Variants in WWOX observed in about 807,000 individuals in gnomAD.
WWOX encodes WW domain containing oxidoreductase.
A neutral mutation model predicts 46.2 loss-of-function variants in WWOX; 69 were observed. The observed-to-expected ratio is 1.49, with a 90% confidence interval of 1.23 to 1.82. The LOEUF is 1.82. Among genes scored for constraint, WWOX ranks in the 40% most tolerant of loss-of-function variants. The pLI is 0.00. For missense variants in WWOX, 919 were observed against 542.6 expected (o/e 1.69, Z -6.89); for synonymous variants, 359 against 202.6 (o/e 1.77, Z -6.56).
intron 8 of WWOX, among the ~76,000 whole-genome samples, chr16:79,119,264 T>G (rs770654182): frequency 6.6e-6 from 1 of 152,130 alleles, no homozygotes; most frequent in African/African-American, 2.4e-5. Context: ...AGAAGCAAAT[T>G]TGGAGAATCC....
At chr16:78,109,469 A>C (rs867963609) in intron 2 of WWOX, among the ~76,000 whole-genome samples, 4 of 152,212 alleles carry the variant, frequency 2.6e-5, no homozygotes, top group Admixed American at 6.5e-5. Flanking sequence ...CTGCATATAC[A>C]TATGTTCTTT....
At chr16:79,210,875 G>C (rs753554578) in intron 8 of WWOX, among the ~76,000 whole-genome samples, 8 of 152,166 alleles carry the variant, frequency 5.3e-5, no homozygotes, top group Non-Finnish European at 8.8e-5. Context: ...TGCACTCTTT[G>C]CAACTTACAT....
In WWOX at chr16:78,877,377, C is replaced by G. The variant is rs149462123; in HGVS notation, c.1057-334231C>G. Reference sequence around the variant, plus strand: ...TTCCTCAGACATGCCAGGTGTGTTCCTGTCTCAGACGCTTTGCCTTTGCTG... The same window carrying G: ...TTCCTCAGACATGCCAGGTGTGTTCGTGTCTCAGACGCTTTGCCTTTGCTG... On this transcript the variant is annotated intron_variant, in intron 8 of 8. Transcript: ENST00000566780. Among the ~76,000 whole-genome samples the G allele has an allele frequency of 4.9e-3, 752 of 152,094 alleles. 4 individuals are homozygous for G. Among genetic ancestry groups the G allele is most frequent in the African/African-American group, 0.017 (719 of 41,474 alleles).
chr16:78,466,122 C>T (rs924633305), intron 8 of WWOX, among the ~76,000 whole-genome samples: 1 of 152,070 alleles, frequency 6.6e-6, no homozygotes, highest in African/African-American at 2.4e-5. Flanking sequence ...AGCTCCGCCT[C>T]CCAGGTTAAT....
chr16:78,310,112 T>C (rs2080211884), intron 5 of WWOX, among the ~76,000 whole-genome samples: 1 of 152,058 alleles, frequency 6.6e-6, no homozygotes, highest in Admixed American at 6.6e-5. Flanking sequence ...CATAGCTCTC[T>C]TGCCCCATTG....
intron 8 of WWOX, among the ~76,000 whole-genome samples, chr16:78,871,293 C>T (rs79854667): frequency 1.1e-3 from 160 of 152,048 alleles, no homozygotes; most frequent in African/African-American, 3.7e-3. Flanking sequence ...CCTGTATGCA[C>T]TGCTGAACCT....
chr16:78,605,381 T>C (rs966606986), intron 8 of WWOX, among the ~76,000 whole-genome samples: 1 of 150,536 alleles, frequency 6.6e-6, no homozygotes, highest in African/African-American at 2.4e-5. Context: ...AAAATCCAGG[T>C]GCAAAACACA....
intron 4 of WWOX, among the ~76,000 whole-genome samples, chr16:78,149,860 C>T (rs944845981): frequency 6.6e-6 from 1 of 152,136 alleles, no homozygotes; most frequent in African/African-American, 2.4e-5. Flanking sequence ...GCTCTTAACC[C>T]TAAAGGAAGG....
chr16:78,297,381 C>T (rs1002583142), intron 5 of WWOX, among the ~76,000 whole-genome samples: 10 of 152,056 alleles, frequency 6.6e-5, no homozygotes, highest in Admixed American at 5.2e-4. Context: ...GGGAGCCTTC[C>T]AACAGCATCC....
intron 8 of WWOX, among the ~76,000 whole-genome samples, chr16:78,789,710 A>G (rs1276893366): frequency 1.3e-5 from 2 of 152,204 alleles, no homozygotes; most frequent in East Asian, 1.9e-4. Flanking sequence ...ACTGGCTTGC[A>G]TATTTTTTGA....
At chr16:78,770,934 TG>T (rs1206962835) in intron 8 of WWOX, among the ~76,000 whole-genome samples, 22 of 152,356 alleles carry the variant, frequency 1.4e-4, no homozygotes, top group Admixed American at 1.2e-3. Context: ...TTATGTGTGC[TG>T]TTTGATAGAG....
chr16:78,307,614 A>G (rs981306134), intron 5 of WWOX, among the ~76,000 whole-genome samples: 1 of 152,202 alleles, frequency 6.6e-6, no homozygotes, highest in African/African-American at 2.4e-5. Flanking sequence ...AGTGAGGTTG[A>G]TTTTGGGCTT....
At chr16:79,059,080 T>G (rs9972661) in intron 8 of WWOX, among the ~76,000 whole-genome samples, 1 of 151,976 alleles carries the variant, frequency 6.6e-6, no homozygotes, top group Non-Finnish European at 1.5e-5. Flanking sequence ...AATATCTCCT[T>G]TTGAAAATGA....
chr16:78,394,724 A>G (rs1254351842), intron 6 of WWOX, among the ~76,000 whole-genome samples: 2 of 152,324 alleles, frequency 1.3e-5, no homozygotes, highest in East Asian at 1.9e-4. Flanking sequence ...GCAGCCATAG[A>G]TAGTATGGAA....
intron 8 of WWOX, among the ~76,000 whole-genome samples, chr16:78,652,129 G>T (rs2046978605): frequency 6.6e-6 from 1 of 151,788 alleles, no homozygotes; most frequent in South Asian, 2.1e-4. Context: ...AAGATGTTTG[G>T]GGCTGGGCGT....
At chr16:78,946,055 G>C (rs1385779806) in intron 8 of WWOX, among the ~76,000 whole-genome samples, 1 of 152,158 alleles carries the variant, frequency 6.6e-6, no homozygotes, top group Non-Finnish European at 1.5e-5. Context: ...CTGTGCTCTA[G>C]AAACATACCA....
chr16:78,358,669 A>AAC (rs2081347074), intron 5 of WWOX, among the ~76,000 whole-genome samples: 1 of 39,624 alleles, frequency 2.5e-5, no homozygotes, highest in African/African-American at 1.1e-4. Flanking sequence ...AAAAATAAAT[A>AAC]ATATGTGTGT....
chr16:78,854,883 A>G (rs971999028), intron 8 of WWOX, among the ~76,000 whole-genome samples: 11 of 145,084 alleles, frequency 7.6e-5, no homozygotes, highest in South Asian at 4.3e-4. Context: ...CGCCAGCTCT[A>G]TTTGCTGATT....
At chr16:78,305,712 G>A (rs1056300542) in intron 5 of WWOX, among the ~76,000 whole-genome samples, 2 of 151,936 alleles carry the variant, frequency 1.3e-5, no homozygotes, top group African/African-American at 4.8e-5. Context: ...CCACCACTTG[G>A]GTACCACGCA....
Sources: allele counts gnomAD v4.1 joint callset (sites outside exome capture counted in the v4.1 genomes callset), GRCh38; gene constraint gnomAD v4.1.1; transcripts MANE v1.5; gene names NCBI Gene and HGNC (gene_info 2026-07-23, HGNC 2026-07-21).